Variants in PABPC1 observed in about 807,000 individuals in gnomAD.
The protein encoded by PABPC1 is polyadenylate-binding protein 1.
PABPC1 carries 4 observed loss-of-function variants against 74.0 expected under a neutral mutation model. That is an observed-to-expected ratio of 0.05 (90% CI 0.03 to 0.12). The LOEUF is 0.12. PABPC1 is among the 10% of genes least tolerant of loss of function. PABPC1 has a pLI of 1.00. For missense variants in PABPC1, 271 were observed against 821.1 expected (o/e 0.33, Z 8.19); for synonymous variants, 227 against 264.1 (o/e 0.86, Z 1.36).
chr8:100,709,226 G>A lies in PABPC1; in HGVS notation c.1246-3C>T. 1.2e-6 allele frequency: 2 copies of A among 1,611,990 alleles called. No individual in the cohort carries two copies. Among genetic ancestry groups the A allele is most frequent in the Non-Finnish European group, 1.7e-6 (2 of 1,178,606 alleles). ...TAGTATGCAGCACGGTTCTGAGTCT[G>A]CAGGGAAAAAAAGCACATGAGTTTA... On this transcript the variant is annotated splice_polypyrimidine_tract_variant and splice_region_variant and intron_variant, in intron 8 of 14. Coordinates refer to ENST00000318607, the MANE Select transcript of PABPC1 (RefSeq NM_002568.4).
In PABPC1 at chr8:100,712,324, T is replaced by C. The variant is rs201237678; in HGVS notation, c.972+38A>G. The C allele has an allele frequency of 4.9e-5, 60 of 1,226,240 alleles. No homozygotes were observed. In the African/African-American group the frequency reaches 7.6e-4, roughly 16 times the overall value. 76.0% of individuals were successfully genotyped at this position (1,226,240 alleles called of 1,614,324 possible). ...ACATATATCTACATGTATGAATTTT[T>C]ACTAGACCTCAAATAAATGAACCAT... On this transcript the variant is annotated intron_variant, in intron 7 of 14. Transcript: ENST00000318607.
chr8:100,713,972 A>G (rs1345148826), intron 4 of PABPC1, among the ~76,000 whole-genome samples: 2 of 152,230 alleles, frequency 1.3e-5, no homozygotes, highest in Non-Finnish European at 1.5e-5. Context: ...TGGAAGAGGA[A>G]GCATTTATTT....
At chr8:100,708,931 CAA>C (rs1162852498) in intron 9 of PABPC1, among the ~76,000 whole-genome samples, 200 bp downstream of exon 9, 1 of 150,196 alleles carries the variant, frequency 6.7e-6, no homozygotes, top group Non-Finnish European at 1.5e-5. Flanking sequence ...TACCTATTCC[CAA>C]AACTTTTATA....
intron 1 of PABPC1, 24 bp from the exon 2 acceptor site, chr8:100,718,304 T>C (rs777380300): frequency 4.6e-5 from 73 of 1,588,146 alleles, no homozygotes; most frequent in Non-Finnish European, 6.3e-5. Flanking sequence ...ATTTTCAGAG[T>C]CAATATTACT....
At chr8:100,705,133 G>A in intron 12 of PABPC1, 77 bp from the exon 13 acceptor site, 1 of 1,200,588 alleles carries the variant, frequency 8.3e-7, no homozygotes, top group Non-Finnish European at 1.2e-6. Flanking sequence ...CATTAAACTG[G>A]GGTTTAAGAA....
chr8:100,708,488 A>G (rs1278511424), intron 9 of PABPC1, among the ~76,000 whole-genome samples: 1 of 152,168 alleles, frequency 6.6e-6, no homozygotes, highest in Admixed American at 6.6e-5. Context: ...TTGGAATATA[A>G]CATACTGTTC....
intron 7 of PABPC1, 87 bp from the exon 8 acceptor site, chr8:100,709,818 C>T (rs1459902625): frequency 2.3e-6 from 3 of 1,323,576 alleles, no homozygotes; most frequent in African/African-American, 3.0e-5. Context: ...TTATAAATCA[C>T]TGAATCAAAT....
intron 4 of PABPC1, 49 bp from the exon 5 acceptor site, chr8:100,713,230 G>A (rs141453604): frequency 0.011 from 11,596 of 1,079,314 alleles, 95 homozygotes; most frequent in Non-Finnish European, 0.011. Flanking sequence ...CAACATTCAC[G>A]TTATACATTT....
Position 100,704,305 on chromosome 8 carries a change from G to C in PABPC1, c.1904C>G (p.Thr635Ser). The change falls in exon 14 of 15, where the codon ACT becomes AGT. Residue 635 changes from threonine to serine, a missense_variant. Physicochemically the swap from Thr to Ser is moderately conservative, Grantham distance 58. Around this residue, in one of 7 missense-constraint regions of PABPC1, gnomAD observed 23 missense variants for 48.1 expected, o/e 0.48. Coordinates refer to ENST00000318607, the MANE Select transcript of PABPC1 (RefSeq NM_002568.4). Reference sequence around the variant, plus strand: ...CAGAGGGAAAAGCTCACTTTAAACAGTTGGAACACCGGTGGCACTGTTAAC... The same window carrying C: ...CAGAGGGAAAAGCTCACTTTAAACACTTGGAACACCGGTGGCACTGTTAAC... The part of the protein sequence containing the change: ...KAVNSATGVP[T>S]V 2 of 1,612,828 alleles carry C rather than the reference G, an allele frequency of 1.2e-6. No homozygotes were observed. The highest frequency in any genetic ancestry group is 1.7e-6 in the Non-Finnish European group (2 of 1,178,852).
chr8:100,715,576 T>C lies in PABPC1; in HGVS notation c.529A>G (p.Lys177Glu), dbSNP rs758755674. ...KVFVGRFKSR[K>E]EREAELGARA... ...GCTCCAAGTTCAGCTTCTCGTTCTT[T>C]ACGAGACTTAAATCGTCCAACAAAT... The change falls in exon 4 of 15, where the codon AAA becomes GAA. Residue 177 changes from lysine (K) to glutamate (E), a missense_variant. By Grantham distance (56) the Lys-to-Glu change is moderately conservative (BLOSUM62 1). This residue lies in a region of PABPC1 where 78 missense variants were observed against 202.8 expected (regional missense o/e 0.38). Transcript: ENST00000318607. The C allele has an allele frequency of 6.2e-7, 1 of 1,610,606 alleles. No individual in the cohort carries two copies. The highest frequency in any genetic ancestry group is 1.7e-5 in the Admixed American group (1 of 59,720).
At chr8:100,716,701 G>C (rs1279186530) in intron 3 of PABPC1, among the ~76,000 whole-genome samples, 1 of 152,156 alleles carries the variant, frequency 6.6e-6, no homozygotes, top group Non-Finnish European at 1.5e-5. Flanking sequence ...ACTTTTTTAA[G>C]AGACAAGGTC....
chr8:100,704,071 AAAAAC>A, intron 14 of PABPC1: 2 of 407,528 alleles, frequency 4.9e-6, no homozygotes, highest in Non-Finnish European at 4.4e-6. Flanking sequence ...AAAAAAAAAA[AAAAAC>A]ACCACCTGAA....
intron 9 of PABPC1, among the ~76,000 whole-genome samples, chr8:100,708,866 G>A (rs930830650): frequency 5.1e-5 from 7 of 137,864 alleles, no homozygotes; most frequent in Non-Finnish European, 8.9e-5. Context: ...GCAACAGAGC[G>A]AGACTCTGTC....
At chr8:100,704,051 T>C (rs1810315735) in intron 14 of PABPC1, 2 of 324,036 alleles carry the variant, frequency 6.2e-6, no homozygotes, top group Admixed American at 6.6e-5. Flanking sequence ...CGAAACTCCA[T>C]CTCAAAAAAA....
intron 13 of PABPC1, 91 bp from the exon 14 acceptor site, chr8:100,704,481 A>C: frequency 9.3e-7 from 1 of 1,076,064 alleles, no homozygotes; most frequent in Non-Finnish European, 1.4e-6. Context: ...CAACAAAGAT[A>C]AGTTTCTTCC....
chr8:100,705,577 A>G lies in PABPC1; in HGVS notation c.1687+12T>C. On this transcript the variant is annotated intron_variant, in intron 12 of 14. Transcript: ENST00000318607. ...TCTTTCTGAACTGACAAGGTGGGAC[A>G]GAAGTACTCACCCAACATTTGCTTT... 1 of 1,566,022 alleles carries G rather than the reference A, an allele frequency of 6.4e-7. No individual in the cohort carries two copies. The highest frequency in any genetic ancestry group is 8.8e-7 in the Non-Finnish European group (1 of 1,136,486).
intron 14 of PABPC1, chr8:100,704,065 A>C (rs1191819022): frequency 1.0e-5 from 4 of 399,580 alleles, no homozygotes; most frequent in Non-Finnish European, 1.8e-5. Flanking sequence ...AAAAAAAAAA[A>C]AAAAAAAAAA....
At chr8:100,717,407 A>G (rs1241596598) in intron 3 of PABPC1, among the ~76,000 whole-genome samples, 2 of 152,258 alleles carry the variant, frequency 1.3e-5, no homozygotes, top group Admixed American at 1.3e-4. Flanking sequence ...GTACCTCAAG[A>G]ATTATGAATA....
chr8:100,711,088 G>A (rs1466953553), intron 7 of PABPC1, among the ~76,000 whole-genome samples: 1 of 152,152 alleles, frequency 6.6e-6, no homozygotes, highest in Non-Finnish European at 1.5e-5. Context: ...AGACCAGCTT[G>A]GCCAACATGG....
Sources: allele counts gnomAD v4.1 joint callset (sites outside exome capture counted in the v4.1 genomes callset), GRCh38; gene constraint gnomAD v4.1.1; regional missense constraint gnomAD v4.1.1; transcripts MANE v1.5; gene names NCBI Gene and HGNC (gene_info 2026-07-23, HGNC 2026-07-21).